MOCS3: variants seen among roughly 807,000 people sequenced by gnomAD.
MOCS3 encodes molybdenum cofactor synthesis 3.
In MOCS3, 9 loss-of-function variants were observed where a neutral mutation model predicts 8.4. The ratio of observed to expected loss-of-function variants is 1.07; its 90% CI spans 0.65 to 1.87. MOCS3 has a LOEUF of 1.87. Among genes scored for constraint, MOCS3 ranks in the 40% most tolerant of loss-of-function variants. The pLI is 0.00. For missense variants in MOCS3, 581 were observed against 599.7 expected, an observed-to-expected ratio of 0.97 and a Z score of 0.33; for synonymous variants, 294 against 272.0, an observed-to-expected ratio of 1.08 and a Z score of -0.80.
Position 50,959,524 on chromosome 20 carries a change from C to T in MOCS3, c.682C>T (p.Pro228Ser). The T allele has an allele frequency of 1.2e-6, 2 of 1,614,126 alleles. No individual in the cohort carries two copies. Among genetic ancestry groups the T allele is most frequent in the East Asian group, 4.5e-5 (2 of 44,880 alleles). Residue 228 changes from proline (P) to serine (S), a missense_variant, in exon 1 of 1, where the codon CCC becomes TCC. Pro to Ser is a moderately conservative substitution (Grantham distance 74). Coordinates refer to ENST00000244051, the MANE Select transcript of MOCS3 (RefSeq NM_014484.5). The part of the protein sequence containing the change: ...DGGPCYRCIF[P>S]QPPPAETVTN... ...TGGCCCTTGCTATCGCTGCATATTC[C>T]CCCAACCACCCCCAGCGGAGACAGT...
chr20:50,959,418 A>G lies in MOCS3; in HGVS notation c.576A>G (p.Ala192=), dbSNP rs779977800. Residue 192 remains alanine (A), a synonymous_variant, in exon 1 of 1, where the codon GCA becomes GCG. Coordinates refer to ENST00000244051, the MANE Select transcript of MOCS3 (RefSeq NM_014484.5). ...NVPTRYLVND[A]CVLAGRPLVS... The stretch of plus-strand genomic sequence containing the variant: ...CCACTCGCTACCTGGTTAATGACGC[A>G]TGTGTGCTGGCGGGTCGGCCCCTCG... 2.9e-5 allele frequency: 46 copies of G among 1,613,836 alleles called. No homozygotes were observed. Among genetic ancestry groups the G allele is most frequent in the Non-Finnish European group, 3.7e-5 (44 of 1,180,002 alleles).
At position 50,959,286 on chromosome 20, in the gene MOCS3, C is replaced by T. The variant is rs1227494486; in HGVS notation, c.444C>T (p.Leu148=). The T allele has an allele frequency of 3.7e-6, 6 of 1,610,248 alleles. No homozygotes were observed. In the African/African-American group the frequency reaches 8.0e-5, roughly 21 times the overall value. ...CGGCCGCCGCCTCGCTGCGCCGCCT[C>T]AATTCGGCAGTGGAATGCGTGCCGT... ...AFSAAASLRR[L]NSAVECVPYT... Residue 148 remains leucine, a synonymous_variant, in exon 1 of 1, where the codon CTC becomes CTT. Transcript: ENST00000244051.
chr20:50,959,210 C>T lies in MOCS3; in HGVS notation c.368C>T (p.Ala123Val), dbSNP rs1220393546. The T allele has an allele frequency of 1.9e-6, 3 of 1,611,696 alleles. No individual in the cohort carries two copies. Among genetic ancestry groups the T allele is most frequent in the Non-Finnish European group, 2.5e-6 (3 of 1,179,338 alleles). ...GACGTGGTAGAGATGAGCAACCTGG[C>T]CCGCCAAGTGCTGCATGGCGAGGCA... ...DYDVVEMSNL[A>V]RQVLHGEALA... Residue 123 changes from alanine to valine, a missense_variant, in exon 1 of 1, where the codon GCC becomes GTC. By Grantham distance (64) the Ala-to-Val change is moderately conservative. Transcript: ENST00000244051.
rs1054061479 is a variant in MOCS3, at chr20:50,960,348, G to A, written c.*123G>A. 30 of 997,734 alleles carry A rather than the reference G, an allele frequency of 3.0e-5. No individual in the cohort carries two copies. In the African/African-American group the frequency reaches 4.6e-4, roughly 15 times the overall value. The allele number at this position is 997,734 out of a possible 1,614,324, so 61.8% of individuals were successfully genotyped here. ...ATTCTACAGTATCTGTGAATACGTG[G>A]ACTCCTTTTTATAAGGAGTTTTAAA... On this transcript the variant is annotated 3_prime_UTR_variant, in exon 1 of 1. Coordinates refer to ENST00000244051, the MANE Select transcript of MOCS3 (RefSeq NM_014484.5).
Position 50,960,564 on chromosome 20 carries a change from C to A in MOCS3, c.*339C>A. 4.5e-6 allele frequency: 1 copy of A among 221,720 alleles called. No individual in the cohort carries two copies. Among genetic ancestry groups the A allele is most frequent in the African/African-American group, 2.3e-5 (1 of 43,332 alleles). The allele number at this position is 221,720 out of a possible 1,614,324, so 13.7% of individuals were successfully genotyped here. A position where few individuals can be genotyped will look rare whatever the true frequency, so the allele number is the denominator to read the frequency against. ...CCCCCAGTCAAAATGCTTTCTAAATCATTTTCACAGATTATATACTTCGGA... is the reference window on the plus strand; with the variant it reads ...CCCCCAGTCAAAATGCTTTCTAAATAATTTTCACAGATTATATACTTCGGA... On this transcript the variant is annotated 3_prime_UTR_variant, in exon 1 of 1. Transcript: ENST00000244051.
rs780209550 is a variant in MOCS3, at chr20:50,959,477, T to TCA, written c.638_639dup (p.Val214GlnfsTer24). The TCA allele has an allele frequency of 1.2e-6, 2 of 1,614,094 alleles. No individual in the cohort carries two copies. Among genetic ancestry groups the TCA allele is most frequent in the South Asian group, 2.2e-5 (2 of 91,086 alleles). ...AGTGCCTTGCGCTTCGAGGGCCAAA[T>TCA]CACAGTCTACCATTATGACGGTGGC... is the stretch of plus-strand genomic sequence containing the variant. On this transcript the variant is annotated frameshift_variant, in exon 1 of 1. Coordinates refer to ENST00000244051, the MANE Select transcript of MOCS3 (RefSeq NM_014484.5). LOFTEE classifies it low-confidence loss of function (END_TRUNC).
rs1987119684 is a variant in MOCS3, at chr20:50,962,352, T to C, written c.*2127T>C. 1 of 152,220 alleles carries C rather than the reference T, an allele frequency of 6.6e-6. No individual in the cohort carries two copies. The highest frequency in any genetic ancestry group is 2.4e-5 in the African/African-American group (1 of 41,464). The allele number at this position is 152,220 out of a possible 1,614,324, so 9.4% of individuals were successfully genotyped here. A position where few individuals can be genotyped will look rare whatever the true frequency, so the allele number is the denominator to read the frequency against. ...AGTCAAGCCTTATGAGGGTGCCTGG[T>C]AGGCAGAGTCTAATTACATGCCTAC... On this transcript the variant is annotated 3_prime_UTR_variant, in exon 1 of 1. Coordinates refer to ENST00000244051, the MANE Select transcript of MOCS3 (RefSeq NM_014484.5).
In MOCS3 at chr20:50,959,109, C is replaced by T. The variant is rs764519610; in HGVS notation, c.267C>T (p.Gly89=). 5.6e-6 allele frequency: 9 copies of T among 1,613,038 alleles called. No homozygotes were observed. The highest frequency in any genetic ancestry group is 5.9e-6 in the Non-Finnish European group (7 of 1,179,912). The change falls in exon 1 of 1, where the codon GGC becomes GGT. Residue 89 remains glycine (G), a synonymous_variant. Coordinates refer to ENST00000244051, the MANE Select transcript of MOCS3 (RefSeq NM_014484.5). ...RLGTACVLIV[G]CGGLGCPLAQ... The stretch of plus-strand genomic sequence containing the variant: ...GGACCGCGTGCGTGCTAATCGTGGG[C>T]TGCGGTGGGCTCGGCTGTCCACTAG...
Sources: gnomAD v4.1 joint callset for allele counts on GRCh38, gnomAD v4.1.1 for gene constraint, MANE v1.5 for transcripts, NCBI Gene and HGNC (gene_info 2026-07-23, HGNC 2026-07-21) for gene names.